CBL: variants seen among roughly 807,000 people sequenced by gnomAD.
CBL encodes Cbl proto-oncogene.
CBL carries 45 observed loss-of-function variants against 96.9 expected under a neutral mutation model. That is an observed-to-expected ratio of 0.46 (90% CI 0.37 to 0.60). CBL has a LOEUF of 0.60. Ranked by LOEUF, CBL falls within the 20% of genes least tolerant of loss-of-function variation. CBL has a pLI of 0.00. For synonymous variants in CBL, 420 were observed against 426.8 expected (o/e 0.98, Z 0.20); for missense variants, 1,024 against 1,143.5 (o/e 0.90, Z 1.51).
intron 2 of CBL, among the ~76,000 whole-genome samples, chr11:119,254,427 A>T (rs1298364293): frequency 6.6e-6 from 1 of 152,108 alleles, no homozygotes; most frequent in Non-Finnish European, 1.5e-5. Flanking sequence ...AACCTAGATG[A>T]TACAGCCGCC....
Position 119,221,762 on chromosome 11 carries a change from G to A in CBL, c.196-10686G>A, listed in dbSNP as rs1234391764. Among the ~76,000 whole-genome samples, 7 of 139,386 alleles carry A rather than the reference G, an allele frequency of 5.0e-5. No individual in the cohort carries two copies. In the South Asian group the frequency reaches 1.2e-3, roughly 23 times the overall value. 91.4% of individuals were successfully genotyped at this position (139,386 alleles called of 152,430 possible). ...AGCCTGGGCAACAGAGAGAGACTCC[G>A]TCTCAAAAAAAAAAAAAAAAGCTTC... On this transcript the variant is annotated intron_variant, in intron 1 of 15. Transcript: ENST00000264033.
chr11:119,218,028 G>GC (rs1949377075), intron 1 of CBL, among the ~76,000 whole-genome samples: 1 of 152,146 alleles, frequency 6.6e-6, no homozygotes, highest in Non-Finnish European at 1.5e-5. Flanking sequence ...CTATGATCCT[G>GC]CTACTGTGCA....
chr11:119,221,135 T>C (rs1279610474), intron 1 of CBL, among the ~76,000 whole-genome samples: 1 of 151,860 alleles, frequency 6.6e-6, no homozygotes, highest in East Asian at 1.9e-4. Flanking sequence ...TCTCTGCTAC[T>C]TGGGAGACTG....
chr11:119,287,713 G>T, intron 11 of CBL, 139 bp from the exon 12 acceptor site: 1 of 705,584 alleles, frequency 1.4e-6, no homozygotes, highest in Non-Finnish European at 2.6e-6. Context: ...CTAAGCGTTT[G>T]GTCAGATGTG....
rs764369653 is a variant in CBL, at chr11:119,206,453, G to A, written c.36G>A (p.Gly12=). ...AGNVKKSSGA[G]GGSGSGGSGS... ...ACGTGAAGAAGAGCTCTGGGGCCGGGGGCGGCAGCGGCTCCGGGGGCTCGG... is the reference window on the plus strand; with the variant it reads ...ACGTGAAGAAGAGCTCTGGGGCCGGAGGCGGCAGCGGCTCCGGGGGCTCGG... The change falls in exon 1 of 16, where the codon GGG becomes GGA. Residue 12 remains glycine, a synonymous_variant. Transcript: ENST00000264033. 11 of 1,580,946 alleles carry A rather than the reference G, an allele frequency of 7.0e-6. No homozygotes were observed. The highest frequency in any genetic ancestry group is 9.4e-6 in the Non-Finnish European group (11 of 1,167,772).
In CBL at chr11:119,297,016, A is replaced by T. The variant is rs1565272163; in HGVS notation, c.2135A>T (p.Asp712Val). 6.3e-7 allele frequency: 1 copy of T among 1,586,064 alleles called. No homozygotes were observed. Among genetic ancestry groups the T allele is most frequent in the East Asian group, 2.2e-5 (1 of 44,768 alleles). Residue 712 changes from aspartate (D) to valine (V), a missense_variant, in exon 13 of 16, where the codon GAT (aspartate) becomes GTT (valine). Around this residue, in one of 4 missense-constraint regions of CBL, gnomAD observed 695 missense variants for 661.6 expected, o/e 1.05. Coordinates refer to ENST00000264033, the MANE Select transcript of CBL (RefSeq NM_005188.4). The part of the protein sequence containing the change: ...TPSSRPLRPL[D>V]TSQSSRACDC... Reference sequence around the variant, plus strand: ...TCTTCCAGGCCTCTACGGCCTTTGGATACATCCCAGAGTTCACGGTAGGTT... The same window carrying T: ...TCTTCCAGGCCTCTACGGCCTTTGGTTACATCCCAGAGTTCACGGTAGGTT...
chr11:119,232,956 C>G (rs1949515698), intron 2 of CBL, among the ~76,000 whole-genome samples: 1 of 152,034 alleles, frequency 6.6e-6, no homozygotes, highest in Non-Finnish European at 1.5e-5. Flanking sequence ...TTTGGAGAAC[C>G]TGAAGATCAT....
intron 12 of CBL, among the ~76,000 whole-genome samples, chr11:119,294,325 A>C (rs1591268556): frequency 6.6e-6 from 1 of 151,620 alleles, no homozygotes; most frequent in East Asian, 1.9e-4. Flanking sequence ...GCTACTTGGG[A>C]GGCTGGGGCA....
At chr11:119,294,552 T>C (rs2509664) in intron 12 of CBL, among the ~76,000 whole-genome samples, 8,630 of 152,018 alleles carry the variant, frequency 0.057, 811 homozygotes, top group African/African-American at 0.19. Context: ...CCCAGCACTT[T>C]GGGAGGCCAG....
At chr11:119,250,432 C>T (rs1426336436) in intron 2 of CBL, among the ~76,000 whole-genome samples, 1 of 152,142 alleles carries the variant, frequency 6.6e-6, no homozygotes, top group Admixed American at 6.6e-5. Context: ...TTATGCATCT[C>T]TCTCCTCTCT....
chr11:119,256,686 G>T (rs12790790), intron 2 of CBL, among the ~76,000 whole-genome samples: 10,293 of 134,750 alleles, frequency 0.076, 417 homozygotes, highest in Non-Finnish European at 0.11. Flanking sequence ...TATGTAGTTT[G>T]TTTTTTTTTT....
chr11:119,261,034 A>C (rs542038606), intron 2 of CBL, among the ~76,000 whole-genome samples: 1 of 142,650 alleles, frequency 7.0e-6, no homozygotes, highest in South Asian at 2.3e-4. Context: ...TGCCTCAGCT[A>C]TCCGAGTAGC....
chr11:119,250,957 A>G (rs1009791375), intron 2 of CBL, among the ~76,000 whole-genome samples: 4 of 152,154 alleles, frequency 2.6e-5, no homozygotes, highest in Admixed American at 2.6e-4. Flanking sequence ...TCTCAAAAAT[A>G]AAAAAATATT....
At chr11:119,225,948 C>CA (rs1192005471) in intron 1 of CBL, among the ~76,000 whole-genome samples, 1 of 152,024 alleles carries the variant, frequency 6.6e-6, no homozygotes, top group African/African-American at 2.4e-5. Context: ...AGGCTGGTCT[C>CA]AAACTCCTGA....
intron 2 of CBL, among the ~76,000 whole-genome samples, chr11:119,241,218 A>G (rs1426744198): frequency 1.3e-5 from 2 of 152,234 alleles, no homozygotes; most frequent in Admixed American, 6.5e-5. Context: ...TAGACTTTAT[A>G]AAAAATGAAT....
chr11:119,206,748 C>T (rs1359099880), intron 1 of CBL, 136 bp downstream of exon 1: 1 of 186,120 alleles, frequency 5.4e-6, no homozygotes, highest in Non-Finnish European at 7.6e-6. Flanking sequence ...CCGGGGTGAC[C>T]GGCCGGGGGC....
chr11:119,274,573 C>A (rs140413761), intron 4 of CBL, among the ~76,000 whole-genome samples: 48 of 152,314 alleles, frequency 3.2e-4, no homozygotes, highest in Admixed American at 5.2e-4. Flanking sequence ...AACCCCACTA[C>A]TGTTAATTAG....
intron 1 of CBL, among the ~76,000 whole-genome samples, chr11:119,209,371 A>C (rs1260883805): frequency 6.6e-6 from 1 of 152,212 alleles, no homozygotes; most frequent in Non-Finnish European, 1.5e-5. Flanking sequence ...TAATCCCAGC[A>C]CTTTGGGAGG....
In CBL at chr11:119,299,611, G is replaced by T. The variant is rs768228850; in HGVS notation, c.2551G>T (p.Ala851Ser). ...AGGTAGTGGTCCTGCCGCCTCTGCT[G>T]CCACCGCCTCACCTCAGCTCTCCAG... ...QQGSGPAASA[A>S]TASPQLSSEI... Residue 851 changes from alanine to serine, a missense_variant, in exon 16 of 16, where the codon GCC becomes TCC. By Grantham distance (99) the Ala-to-Ser change is moderately conservative. Transcript: ENST00000264033. 5 of 1,614,082 alleles carry T rather than the reference G, an allele frequency of 3.1e-6. No homozygotes were observed. The Admixed American group carries it at 8.3e-5, about 27-fold the overall frequency.
Sources: gnomAD v4.1 joint callset for allele counts (sites outside exome capture counted in the v4.1 genomes callset) on GRCh38, gnomAD v4.1.1 for gene constraint, gnomAD v4.1.1 regional missense constraint, MANE v1.5 for transcripts, NCBI Gene and HGNC (gene_info 2026-07-23, HGNC 2026-07-21) for gene names.